The following PCYT2 variants were observed in gnomAD, a reference collection of about 807,000 sequenced individuals.
PCYT2 encodes phosphate cytidylyltransferase 2, ethanolamine, also known as ethanolamine-phosphate cytidylyltransferase.
In PCYT2, 33 loss-of-function variants were observed where a neutral mutation model predicts 50.0. The ratio of observed to expected loss-of-function variants is 0.66; its 90% CI spans 0.50 to 0.88. PCYT2 has a LOEUF of 0.88. PCYT2 is among the 40% of genes least tolerant of loss of function. The pLI, the probability that PCYT2 is intolerant of heterozygous loss-of-function variation, is 0.00. For missense variants in PCYT2, 430 were observed against 519.7 expected, an observed-to-expected ratio of 0.83 and a Z score of 1.68; for synonymous variants, 240 against 203.7, an observed-to-expected ratio of 1.18 and a Z score of -1.52.
chr17:81,907,178 G>A (rs1202270391), intron 6 of PCYT2: 2 of 1,512,480 alleles, frequency 1.3e-6, no homozygotes, highest in Non-Finnish European at 1.8e-6. Flanking sequence ...GAGGGACCTG[G>A]TACCCTGAGA....
rs1444822713 is a variant in PCYT2, at chr17:81,908,643, T to C, written c.341-9A>G. ...AGTCAGGGTGATGTCATCTAAGCAGTGACACACAAGGACAAGGATCCTTAA... is the reference window on the plus strand; with the variant it reads ...AGTCAGGGTGATGTCATCTAAGCAGCGACACACAAGGACAAGGATCCTTAA... On this transcript the variant is annotated splice_polypyrimidine_tract_variant and intron_variant, in intron 3 of 12. Transcript: ENST00000538936. 6.2e-7 allele frequency: 1 copy of C among 1,610,332 alleles called. No individual in the cohort carries two copies.
chr17:81,907,241 G>C, intron 6 of PCYT2: 2 of 1,534,322 alleles, frequency 1.3e-6, no homozygotes, highest in South Asian at 1.2e-5. Flanking sequence ...GTCCCCGGCG[G>C]GTATCGGGTG....
intron 1 of PCYT2, 69 bp downstream of exon 1, chr17:81,911,198 G>A (rs1055206938): frequency 4.9e-6 from 5 of 1,019,422 alleles, no homozygotes; most frequent in South Asian, 4.5e-5. Flanking sequence ...CCCGGGCAAC[G>A]GCTGGCGCGG....
At chr17:81,907,031 T>G (rs552886031) in intron 6 of PCYT2, 133 bp from the exon 7 acceptor site, 63 of 1,180,356 alleles carry the variant, frequency 5.3e-5, no homozygotes, top group African/African-American at 7.6e-5. Context: ...GGGGACACAC[T>G]GCCAGGCCAG....
At position 81,901,174 on chromosome 17, in the gene PCYT2, G is replaced by C. The variant is rs2039940655; in HGVS notation, c.*3659C>G. On this transcript the variant is annotated 3_prime_UTR_variant, in exon 13 of 13. Transcript: ENST00000538936. Reference sequence around the variant, plus strand: ...TAGGTCCGAGAGTCCAAAAGCTGAAGAACCTGGAGGCCGACGTGCGAGGGC... The same window carrying C: ...TAGGTCCGAGAGTCCAAAAGCTGAACAACCTGGAGGCCGACGTGCGAGGGC... 2 of 151,766 alleles carry C rather than the reference G, an allele frequency of 1.3e-5. No homozygotes were observed. The highest frequency in any genetic ancestry group is 2.9e-5 in the Non-Finnish European group (2 of 67,932). 9.4% of individuals were successfully genotyped at this position (151,766 alleles called of 1,614,324 possible). A position where few individuals can be genotyped will look rare whatever the true frequency, so the allele number is the denominator to read the frequency against.
Position 81,906,801 on chromosome 17 carries a change from C to T in PCYT2, c.635G>A (p.Gly212Glu), listed in dbSNP as rs1001138649. The change falls in exon 7 of 13, where the codon GGG becomes GAG. Residue 212 changes from glycine to glutamate, a missense_variant. Physicochemically the swap from Gly to Glu is moderately conservative, Grantham distance 98. Transcript: ENST00000538936. ...QFASGKEPQP[G>E]ETVIYVAGAF... ...ACCAGCCACATAGATGACTGTCTCCCCTGGCTGGGGCTCCTTCCCAGAAGC... is the reference window on the plus strand; with the variant it reads ...ACCAGCCACATAGATGACTGTCTCCTCTGGCTGGGGCTCCTTCCCAGAAGC... The T allele has an allele frequency of 1.2e-6, 2 of 1,613,488 alleles. No individual in the cohort carries two copies. Among genetic ancestry groups the T allele is most frequent in the African/African-American group, 1.3e-5 (1 of 75,066 alleles).
chr17:81,909,677 G>A lies in PCYT2; in HGVS notation c.90-75C>T, dbSNP rs1021738400. The A allele has an allele frequency of 1.1e-4, 133 of 1,157,364 alleles. 1 individual carries two copies. The Middle Eastern group carries it at 1.5e-3, about 13-fold the overall frequency. The allele number at this position is 1,157,364 out of a possible 1,614,324, so 71.7% of individuals were successfully genotyped here. A position where few individuals can be genotyped will look rare whatever the true frequency, so the allele number is the denominator to read the frequency against. On this transcript the variant is annotated intron_variant, in intron 1 of 12. Coordinates refer to ENST00000538936, the MANE Select transcript of PCYT2 (RefSeq NM_002861.5). ...GGTGTCCCTGTGGGTTAGGGGCAGAGCTTTGCTCCTCTGAGGACTCCTTAG... is the reference window on the plus strand; with the variant it reads ...GGTGTCCCTGTGGGTTAGGGGCAGAACTTTGCTCCTCTGAGGACTCCTTAG...
At chr17:81,909,084 CCCTCCAG>C (rs2040438127) in intron 2 of PCYT2, 47 bp from the exon 3 acceptor site, 2 of 1,582,292 alleles carry the variant, frequency 1.3e-6, no homozygotes, top group African/African-American at 2.9e-5. Flanking sequence ...CCCACCCGGC[CCCTCCAG>C]TAGGAGGCCC....
In PCYT2 at chr17:81,902,364, G is replaced by A; in HGVS notation, c.*2469C>T. The stretch of plus-strand genomic sequence containing the variant: ...CTGGCCTCGCGTGGTACAAGCCAGC[G>A]GCGGGGCACAGCTCCTACTCGGTGG... On this transcript the variant is annotated 3_prime_UTR_variant, in exon 13 of 13. Coordinates refer to ENST00000538936, the MANE Select transcript of PCYT2 (RefSeq NM_002861.5). 2.2e-6 allele frequency: 3 copies of A among 1,345,866 alleles called. No individual in the cohort carries two copies. The highest frequency in any genetic ancestry group is 2.8e-4 in the Middle Eastern group (1 of 3,636). 83.4% of individuals were successfully genotyped at this position (1,345,866 alleles called of 1,614,324 possible).
In PCYT2 at chr17:81,908,868, C is replaced by A. The variant is rs780327565; in HGVS notation, c.340+8G>T. 1 of 1,611,492 alleles carries A rather than the reference C, an allele frequency of 6.2e-7. No homozygotes were observed. The highest frequency in any genetic ancestry group is 1.1e-5 in the South Asian group (1 of 90,994). Reference sequence around the variant, plus strand: ...CCCAGGCCCCCAGGTCCCAGCCCCGCCACTCACTGCCGTGAACACAGAAGT... The same window carrying A: ...CCCAGGCCCCCAGGTCCCAGCCCCGACACTCACTGCCGTGAACACAGAAGT... On this transcript the variant is annotated splice_region_variant and intron_variant, in intron 3 of 12. Transcript: ENST00000538936.
Position 81,904,791 on chromosome 17 carries a change from A to T in PCYT2, c.*42T>A. The T allele has an allele frequency of 7.3e-7, 1 of 1,365,246 alleles. No homozygotes were observed. Among genetic ancestry groups the T allele is most frequent in the Non-Finnish European group, 1.0e-6 (1 of 973,118 alleles). The allele number at this position is 1,365,246 out of a possible 1,614,324, so 84.6% of individuals were successfully genotyped here. A position where few individuals can be genotyped will look rare whatever the true frequency, so the allele number is the denominator to read the frequency against. ...TCCTATGTCCAAACGCAGAAGGCGC[A>T]GAAGCAGAGCAGGGGGAGGGCCGGC... On this transcript the variant is annotated 3_prime_UTR_variant, in exon 13 of 13. Transcript: ENST00000538936.
rs1289903882 is a variant in PCYT2 at position 81,904,778 on chromosome 17, A to G, written c.*55T>C. 3 of 1,255,788 alleles carry G rather than the reference A, an allele frequency of 2.4e-6. No homozygotes were observed. In the East Asian group the frequency reaches 7.2e-5, roughly 30 times the overall value. The allele number at this position is 1,255,788 out of a possible 1,614,324, so 77.8% of individuals were successfully genotyped here. Reference sequence around the variant, plus strand: ...CGGCCCTGCAGAGTCCTATGTCCAAACGCAGAAGGCGCAGAAGCAGAGCAG... The same window carrying G: ...CGGCCCTGCAGAGTCCTATGTCCAAGCGCAGAAGGCGCAGAAGCAGAGCAG... On this transcript the variant is annotated 3_prime_UTR_variant, in exon 13 of 13. Coordinates refer to ENST00000538936, the MANE Select transcript of PCYT2 (RefSeq NM_002861.5).
Position 81,902,777 on chromosome 17 carries a change from G to GC in PCYT2, c.*2055dup, listed in dbSNP as rs773463550. The GC allele has an allele frequency of 7.0e-6, 11 of 1,575,308 alleles. No homozygotes were observed. The highest frequency in any genetic ancestry group is 6.8e-5 in the African/African-American group (5 of 73,042). Reference sequence around the variant, plus strand: ...CGGACCTCTCCTGGCACCGCTGGGGGCCCCCCGCCCCCACCGTCCCACTCG... The same window carrying GC: ...CGGACCTCTCCTGGCACCGCTGGGGGCCCCCCCGCCCCCACCGTCCCACTCG... On this transcript the variant is annotated 3_prime_UTR_variant, in exon 13 of 13. Transcript: ENST00000538936.
intron 1 of PCYT2, chr17:81,911,032 G>C: frequency 8.0e-6 from 8 of 998,514 alleles, no homozygotes; most frequent in Non-Finnish European, 9.6e-6. Flanking sequence ...CGGAGAGGTC[G>C]GCGTGACCGG....
chr17:81,910,178 T>A (rs934789776), intron 1 of PCYT2, among the ~76,000 whole-genome samples: 2 of 152,218 alleles, frequency 1.3e-5, no homozygotes, highest in Non-Finnish European at 2.9e-5. Context: ...GCCACCTGGC[T>A]CGAGAGTTTT....
At chr17:81,906,439 GC>G in intron 8 of PCYT2, 24 bp downstream of exon 8, 1 of 1,602,594 alleles carries the variant, frequency 6.2e-7, no homozygotes, top group Non-Finnish European at 8.5e-7. Context: ...CTGCCCAGGG[GC>G]CCAGGGAGCA....
chr17:81,906,043 G>A, intron 9 of PCYT2, 57 bp downstream of exon 9: 1 of 1,478,578 alleles, frequency 6.8e-7, no homozygotes, highest in Admixed American at 1.9e-5. Flanking sequence ...CCCTTAGTAG[G>A]GGGGATGTTG....
At chr17:81,906,021 G>A in intron 9 of PCYT2, 79 bp downstream of exon 9, 1 of 1,307,660 alleles carries the variant, frequency 7.6e-7, no homozygotes, top group Non-Finnish European at 1.1e-6. Context: ...CCCCTGCCCT[G>A]GCTCAGGGAG....
Position 81,909,110 on chromosome 17 carries a change from C to A in PCYT2, c.179-73G>T, listed in dbSNP as rs138078920. ...CCTCCAGTAGGAGGCCCCTTCCCAGCACCCAGCTGTAGCCACACAAGAGGG... is the reference window on the plus strand; with the variant it reads ...CCTCCAGTAGGAGGCCCCTTCCCAGAACCCAGCTGTAGCCACACAAGAGGG... On this transcript the variant is annotated intron_variant, in intron 2 of 12. Transcript: ENST00000538936. 3.0e-4 allele frequency: 467 copies of A among 1,564,638 alleles called. 2 individuals carry two copies. In the African/African-American group the frequency reaches 5.7e-3, roughly 19 times the overall value.
Sources: gnomAD v4.1 joint callset for allele counts (sites outside exome capture counted in the v4.1 genomes callset) on GRCh38, gnomAD v4.1.1 for gene constraint, MANE v1.5 for transcripts, NCBI Gene and HGNC (gene_info 2026-07-23, HGNC 2026-07-21) for gene names.